The following RBFOX1 variants were observed in gnomAD, a reference collection of about 807,000 sequenced individuals.
RBFOX1 encodes the protein RNA binding protein fox-1 homolog 1.
In RBFOX1, 8 loss-of-function variants were observed where a neutral mutation model predicts 57.7. The ratio of observed to expected loss-of-function variants is 0.14; its 90% confidence interval spans 0.08 to 0.25. RBFOX1 has a LOEUF of 0.25. Ranked by LOEUF, RBFOX1 falls within the 10% of genes least tolerant of loss-of-function variation. The probability of loss-of-function intolerance (pLI) is 1.00; values close to 1 mark genes in which losing one functional copy is unlikely to be tolerated. For missense variants in RBFOX1, 611 were observed against 548.5 expected (o/e 1.11, Z -1.14); for synonymous variants, 326 against 222.4 (o/e 1.47, Z -4.15).
intron 5 of RBFOX1, among the ~76,000 whole-genome samples, chr16:7,544,951 G>T (rs770418809): frequency 1.3e-5 from 2 of 152,156 alleles, no homozygotes. Flanking sequence ...TAGCAGCTCA[G>T]TTACGATGTG....
At chr16:5,358,240 C>T (rs993677519) in intron 1 of RBFOX1, among the ~76,000 whole-genome samples, 1 of 152,002 alleles carries the variant, frequency 6.6e-6, no homozygotes, top group East Asian at 1.9e-4. Context: ...GTGTGAGTGT[C>T]TGTGTCCAAG....
At chr16:7,594,884 T>C (rs965099617) in intron 7 of RBFOX1, among the ~76,000 whole-genome samples, 5 of 152,254 alleles carry the variant, frequency 3.3e-5, no homozygotes, top group Admixed American at 2.6e-4. Context: ...GTTTGTATTA[T>C]TAATCAACTG....
chr16:6,258,365 C>G (rs997600518), intron 1 of RBFOX1, among the ~76,000 whole-genome samples: 2 of 152,198 alleles, frequency 1.3e-5, no homozygotes, highest in African/African-American at 4.8e-5. Context: ...ATATCATTTA[C>G]TCAAGTTCAT....
intron 1 of RBFOX1, among the ~76,000 whole-genome samples, chr16:5,281,806 G>T (rs1453008688): frequency 6.6e-6 from 1 of 152,158 alleles, no homozygotes; most frequent in South Asian, 2.1e-4. Flanking sequence ...CTTTCAGTCT[G>T]TGTGTGTCTT....
At chr16:6,082,717 G>A (rs553232771) in intron 1 of RBFOX1, among the ~76,000 whole-genome samples, 1 of 152,078 alleles carries the variant, frequency 6.6e-6, no homozygotes, top group Non-Finnish European at 1.5e-5. Context: ...TGTTCTCTGA[G>A]CACACAGAGA....
chr16:6,687,868 A>G (rs1429980865), intron 3 of RBFOX1, among the ~76,000 whole-genome samples: 4 of 152,222 alleles, frequency 2.6e-5, no homozygotes, highest in African/African-American at 9.6e-5. Flanking sequence ...CTCAGGAAGC[A>G]CAAAATGAAT....
intron 2 of RBFOX1, among the ~76,000 whole-genome samples, chr16:5,554,452 GTATC>G (rs2045593096): frequency 6.6e-6 from 1 of 151,988 alleles, no homozygotes; most frequent in African/African-American, 2.4e-5. Context: ...ACATTAAAAA[GTATC>G]TAAGAGTAAA....
intron 2 of RBFOX1, among the ~76,000 whole-genome samples, chr16:6,377,441 C>T (rs1464391939): frequency 6.6e-6 from 1 of 152,146 alleles, no homozygotes; most frequent in Non-Finnish European, 1.5e-5. Flanking sequence ...GGGTTGTTAT[C>T]CAACCCAGTG....
At chr16:7,072,029 A>C (rs115049778) in intron 4 of RBFOX1, among the ~76,000 whole-genome samples, 1,535 of 152,288 alleles carry the variant, frequency 0.01, 29 homozygotes, top group African/African-American at 0.035. Context: ...TCGAAGTCAT[A>C]ACGATTTCTA....
At chr16:5,847,458 A>G (rs17138757) in intron 3 of RBFOX1, among the ~76,000 whole-genome samples, 1,726 of 152,202 alleles carry the variant, frequency 0.011, 24 homozygotes, top group African/African-American at 0.04. Context: ...CTTTTTCCAG[A>G]TAGATTATAG....
At chr16:6,494,657 C>A (rs142626217) in intron 2 of RBFOX1, among the ~76,000 whole-genome samples, 1 of 152,158 alleles carries the variant, frequency 6.6e-6, no homozygotes, top group Non-Finnish European at 1.5e-5. Context: ...CAGGTTTTTG[C>A]GTGACCGTGA....
At chr16:7,077,103 T>C (rs2058428389) in intron 4 of RBFOX1, among the ~76,000 whole-genome samples, 1 of 152,324 alleles carries the variant, frequency 6.6e-6, no homozygotes, top group African/African-American at 2.4e-5. Flanking sequence ...GCACTTATAA[T>C]TTTCTGCCCA....
At chr16:6,990,561 G>T (rs1205168563) in intron 3 of RBFOX1, among the ~76,000 whole-genome samples, 1 of 152,030 alleles carries the variant, frequency 6.6e-6, no homozygotes, top group South Asian at 2.1e-4. Flanking sequence ...TCACATAGAA[G>T]GATGATACTG....
At chr16:5,288,151 G>A (rs767730784) in intron 1 of RBFOX1, among the ~76,000 whole-genome samples, 1 of 152,142 alleles carries the variant, frequency 6.6e-6, no homozygotes, top group African/African-American at 2.4e-5. Flanking sequence ...TTTTATTTCC[G>A]ATCAATTTTG....
At chr16:6,698,439 C>T (rs1250712703) in intron 3 of RBFOX1, among the ~76,000 whole-genome samples, 2 of 152,122 alleles carry the variant, frequency 1.3e-5, no homozygotes, top group Non-Finnish European at 2.9e-5. Flanking sequence ...TGAAGTTCTC[C>T]TGTGGCCGCC....
chr16:7,204,970 A>G (rs774806942), intron 4 of RBFOX1, among the ~76,000 whole-genome samples: 2 of 152,216 alleles, frequency 1.3e-5, no homozygotes, highest in African/African-American at 4.8e-5. Flanking sequence ...TTTTGTCCCA[A>G]AGAATATTGT....
intron 3 of RBFOX1, among the ~76,000 whole-genome samples, chr16:7,007,614 G>A (rs1050195091): frequency 4.6e-5 from 7 of 152,134 alleles, no homozygotes; most frequent in Non-Finnish European, 8.8e-5. Context: ...GACTGTTTTA[G>A]TCATTCTTTC....
chr16:6,883,249 T>G (rs1195712556), intron 3 of RBFOX1, among the ~76,000 whole-genome samples: 1 of 152,252 alleles, frequency 6.6e-6, no homozygotes, highest in Non-Finnish European at 1.5e-5. Context: ...CTATGGGTTT[T>G]CTTTTTTAAA....
intron 1 of RBFOX1, among the ~76,000 whole-genome samples, chr16:6,062,790 C>T (rs2095706077): frequency 6.6e-6 from 1 of 151,926 alleles, no homozygotes. Context: ...GGAATTGTCT[C>T]ATGTGCTTCT....
Sources: allele counts gnomAD v4.1 joint callset (sites outside exome capture counted in the v4.1 genomes callset), GRCh38; gene constraint gnomAD v4.1.1; transcripts MANE v1.5; gene names NCBI Gene and HGNC (gene_info 2026-07-23, HGNC 2026-07-21).